Variants in RIMBP2 observed in about 807,000 individuals in gnomAD.
The protein encoded by RIMBP2 is RIMS-binding protein 2.
Under a neutral mutation model 118.6 loss-of-function variants are expected in RIMBP2, and 48 were observed. The ratio of observed to expected loss-of-function variants is 0.40; its 90% CI spans 0.32 to 0.51. The LOEUF is 0.51. Among genes scored for constraint, RIMBP2 ranks in the 20% least tolerant of loss-of-function variants. The pLI is 0.41. For missense variants in RIMBP2, 1,551 were observed against 1,768.3 expected (o/e 0.88, Z 2.20); for synonymous variants, 762 against 742.9 (o/e 1.03, Z -0.42).
chr12:130,556,313 A>G (rs147324888), intron 2 of RIMBP2, among the ~76,000 whole-genome samples: 180 of 152,296 alleles, frequency 1.2e-3, no homozygotes, highest in African/African-American at 3.9e-3. Context: ...TATCCAATGG[A>G]TCAAGGTGGT....
intron 1 of RIMBP2, among the ~76,000 whole-genome samples, chr12:130,645,814 C>G (rs537071677): frequency 6.6e-6 from 1 of 152,302 alleles, no homozygotes; most frequent in African/African-American, 2.4e-5. Context: ...TGGAGATGCA[C>G]TTTCTTTGAA....
At chr12:130,606,588 T>A (rs990570677) in intron 2 of RIMBP2, among the ~76,000 whole-genome samples, 18 of 152,116 alleles carry the variant, frequency 1.2e-4, no homozygotes, top group African/African-American at 4.3e-4. Context: ...GATTCACCAT[T>A]TATAGCAAAA....
intron 2 of RIMBP2, among the ~76,000 whole-genome samples, chr12:130,579,267 A>G (rs577441572): frequency 3.9e-5 from 6 of 152,254 alleles, no homozygotes; most frequent in African/African-American, 1.4e-4. Context: ...TCTAGAAACA[A>G]TGTGGTTTGG....
chr12:130,595,587 T>A (rs2059510067), intron 2 of RIMBP2, among the ~76,000 whole-genome samples: 1 of 151,872 alleles, frequency 6.6e-6, no homozygotes, highest in Non-Finnish European at 1.5e-5. Flanking sequence ...AAAATAAAAA[T>A]AAAAAACTTC....
intron 1 of RIMBP2, among the ~76,000 whole-genome samples, chr12:130,643,881 G>C (rs368019623): frequency 2.4e-4 from 36 of 152,146 alleles, no homozygotes; most frequent in Admixed American, 2.0e-4. Context: ...TGGGGTCTGC[G>C]AGGGGCAGCG....
intron 4 of RIMBP2, among the ~76,000 whole-genome samples, chr12:130,482,693 G>A (rs1454431951): frequency 1.3e-5 from 2 of 152,184 alleles, no homozygotes; most frequent in Non-Finnish European, 2.9e-5. Context: ...CAGCTCTCTT[G>A]GAGCTCACAT....
At chr12:130,657,435 AG>A (rs1203620243) in intron 1 of RIMBP2, among the ~76,000 whole-genome samples, 1 of 152,208 alleles carries the variant, frequency 6.6e-6, no homozygotes, top group Non-Finnish European at 1.5e-5. Flanking sequence ...AGCCGGAAGC[AG>A]GCCCCGGGAG....
chr12:130,482,305 A>G (rs779628728), intron 4 of RIMBP2, among the ~76,000 whole-genome samples: 3 of 152,126 alleles, frequency 2.0e-5, no homozygotes, highest in Non-Finnish European at 4.4e-5. Context: ...GGTTCATCGG[A>G]CTGGATTTAT....
chr12:130,439,036 T>A (rs2077780822), intron 11 of RIMBP2, among the ~76,000 whole-genome samples: 1 of 148,782 alleles, frequency 6.7e-6, no homozygotes, highest in Admixed American at 6.7e-5. Context: ...CCGGACCGCA[T>A]ATTCCCCATC....
chr12:130,615,276 C>CATATATGTATATATATAT (rs1555309136), intron 2 of RIMBP2, among the ~76,000 whole-genome samples: 4 of 100,264 alleles, frequency 4.0e-5, no homozygotes, highest in African/African-American at 1.6e-4. Flanking sequence ...AATACACATA[C>CATATATGTATATATATAT]ATATATATAT....
intron 2 of RIMBP2, among the ~76,000 whole-genome samples, chr12:130,568,629 A>G (rs562905492): frequency 9.8e-5 from 15 of 152,366 alleles, no homozygotes; most frequent in Admixed American, 5.9e-4. Flanking sequence ...CCAGATGAAC[A>G]GCCCCTTTGC....
intron 6 of RIMBP2, among the ~76,000 whole-genome samples, chr12:130,461,263 G>C (rs2079966597): frequency 6.6e-6 from 1 of 152,196 alleles, no homozygotes; most frequent in Non-Finnish European, 1.5e-5. Context: ...CACCTCGGGG[G>C]GTCCCGGAGT....
rs2076659935 is a variant in RIMBP2 at position 130,424,680 on chromosome 12, G to A, written c.2591C>T (p.Ala864Val). 1 of 1,231,916 alleles carries A rather than the reference G, an allele frequency of 8.1e-7. No individual in the cohort carries two copies. The highest frequency in any genetic ancestry group is 1.0e-6 in the Non-Finnish European group (1 of 987,918). The allele number at this position is 1,231,916 out of a possible 1,614,324, so 76.3% of individuals were successfully genotyped here. A position where few individuals can be genotyped will look rare whatever the true frequency, so the allele number is the denominator to read the frequency against. Residue 864 changes from alanine (A) to valine (V), a missense_variant, in exon 16 of 23, where the codon GCC becomes GTC. Transcript: ENST00000690449. This position sits in a 1 kb window ranked among gnomAD's most constrained non-coding sequence, Gnocchi z 9.8. ...GPSPRARTGL[A>V]REPRPGRPYR... ...GGGCCTGCCGGGCCTGGGCTCTCTG[G>A]CCAGCCCCGTCCTGGCCCTGGGGGA... is the stretch of plus-strand genomic sequence containing the variant.
chr12:130,701,761 C>T (rs896028429), intron 1 of RIMBP2, among the ~76,000 whole-genome samples: 3 of 152,050 alleles, frequency 2.0e-5, no homozygotes, highest in African/African-American at 4.8e-5. Flanking sequence ...AATAATAGCA[C>T]GTCTTTAAAT....
chr12:130,437,349 A>G (rs1477835285), intron 12 of RIMBP2, 58 bp from the exon 13 acceptor site: 76 of 1,423,746 alleles, frequency 5.3e-5, no homozygotes, highest in Non-Finnish European at 7.0e-5. Flanking sequence ...CGGTCCTGCA[A>G]TGGGGAGCCG....
chr12:130,509,992 C>A (rs546172194), intron 3 of RIMBP2, among the ~76,000 whole-genome samples: 4 of 152,292 alleles, frequency 2.6e-5, no homozygotes, highest in African/African-American at 9.6e-5. Context: ...TGTGCAGAAC[C>A]CAGCATGAAG....
intron 10 of RIMBP2, among the ~76,000 whole-genome samples, chr12:130,444,931 G>C (rs1426594121): frequency 6.6e-6 from 1 of 152,220 alleles, no homozygotes; most frequent in Non-Finnish European, 1.5e-5. Context: ...CATCTACCAT[G>C]TGTCAGAGGT....
Position 130,407,850 on chromosome 12 carries a change from A to G in RIMBP2, c.3590-21T>C, listed in dbSNP as rs754219440. The G allele has an allele frequency of 5.0e-6, 8 of 1,597,224 alleles. No individual in the cohort carries two copies. The South Asian group carries it at 6.6e-5, about 13-fold the overall frequency. The stretch of plus-strand genomic sequence containing the variant: ...TCTCTCTGTTCAGATCACAAGGGGG[A>G]AAGAAATCCATCATGAGGTTATTTC... On this transcript the variant is annotated intron_variant, in intron 19 of 22. Coordinates refer to ENST00000690449, the MANE Select transcript of RIMBP2 (RefSeq NM_001393629.1).
At chr12:130,696,236 G>A (rs563668558) in intron 1 of RIMBP2, among the ~76,000 whole-genome samples, 2 of 152,312 alleles carry the variant, frequency 1.3e-5, no homozygotes, top group East Asian at 1.9e-4. Flanking sequence ...TGCAGAAGAC[G>A]CCTGCACAAT....
Sources: allele counts gnomAD v4.1 joint callset (sites outside exome capture counted in the v4.1 genomes callset), GRCh38; gene constraint gnomAD v4.1.1; non-coding constraint Gnocchi (gnomAD v3.1); transcripts MANE v1.5; gene names NCBI Gene and HGNC (gene_info 2026-07-23, HGNC 2026-07-21).